The following HPSE variants were observed in gnomAD, a reference collection of about 807,000 sequenced individuals.
HPSE encodes endo-glucoronidase.
In HPSE, 48 loss-of-function variants were observed where a neutral mutation model predicts 65.1. The ratio of observed to expected loss-of-function variants is 0.74; its 90% CI spans 0.58 to 0.94. HPSE has a LOEUF of 0.94. Ranked by LOEUF, HPSE falls within the 40% of genes least tolerant of loss-of-function variation. The pLI is 0.00. For synonymous variants in HPSE, 243 were observed against 260.0 expected (o/e 0.93, Z 0.63); for missense variants, 644 against 637.5 (o/e 1.01, Z -0.11).
chr4:83,303,748 T>C (rs909554367), intron 9 of HPSE, among the ~76,000 whole-genome samples: 1 of 151,996 alleles, frequency 6.6e-6, no homozygotes, highest in Admixed American at 6.6e-5. Context: ...TAGCTGGTCT[T>C]GAACTCCTGG....
chr4:83,316,279 A>C (rs535930246), intron 3 of HPSE, among the ~76,000 whole-genome samples: 4 of 151,698 alleles, frequency 2.6e-5, no homozygotes, highest in African/African-American at 9.7e-5. Context: ...CACCTGCCTC[A>C]GCCTCTCAAA....
chr4:83,306,465 G>A (rs1327529911), intron 8 of HPSE, 148 bp from the exon 9 acceptor site: 12 of 532,878 alleles, frequency 2.3e-5, no homozygotes, highest in Non-Finnish European at 3.6e-5. Context: ...ACCCAGGCTG[G>A]AGTGCAGTGG....
intron 11 of HPSE, among the ~76,000 whole-genome samples, chr4:83,296,329 C>G (rs1009477173): frequency 6.6e-6 from 1 of 152,044 alleles, no homozygotes; most frequent in African/African-American, 2.4e-5. Flanking sequence ...CTCTTTTTCT[C>G]AAATATGTTT....
intron 11 of HPSE, among the ~76,000 whole-genome samples, chr4:83,297,073 GT>G (rs988161412): frequency 6.6e-6 from 1 of 152,116 alleles, no homozygotes; most frequent in Non-Finnish European, 1.5e-5. Flanking sequence ...AGTTTTCTAT[GT>G]TTTAGATATG....
In HPSE at chr4:83,326,339, C is replaced by A. The variant is rs1241432570; in HGVS notation, c.228-3975G>T. Among the ~76,000 whole-genome samples, 1 of 152,098 alleles carries A rather than the reference C, an allele frequency of 6.6e-6. No homozygotes were observed. The highest frequency in any genetic ancestry group is 2.4e-5 in the African/African-American group (1 of 41,410). ...CCTCCCAAAGTGCTGGGATTATAGG[C>A]ATGAGCTATTGTACCTGGCCTAGAT... On this transcript the variant is annotated intron_variant, in intron 1 of 11. Coordinates refer to ENST00000311412, the MANE Select transcript of HPSE (RefSeq NM_001098540.3). The surrounding 1 kb of genome is among the most constrained non-coding windows in gnomAD (Gnocchi z 4.2).
At position 83,334,610 on chromosome 4, in the gene HPSE, G is replaced by C. The variant is rs183947666; in HGVS notation, c.173C>G (p.Ser58Cys). Residue 58 changes from serine (S) to cysteine (C), a missense_variant, in exon 1 of 12, where the codon TCC (serine) becomes TGC (cysteine). Ser to Cys is a moderately radical substitution (Grantham distance 112, BLOSUM62 -1). Coordinates refer to ENST00000311412, the MANE Select transcript of HPSE (RefSeq NM_001098540.3). Reference sequence around the variant, plus strand: ...GGCCAGGTTGGCGTCAATGGTGACGGACAGGAACGAGGGGCTCACCAGGTG... The same window carrying C: ...GGCCAGGTTGGCGTCAATGGTGACGCACAGGAACGAGGGGCTCACCAGGTG... ...PLHLVSPSFL[S>C]VTIDANLATD... The C allele has an allele frequency of 2.5e-6, 4 of 1,593,690 alleles. No homozygotes were observed. Among genetic ancestry groups the C allele is most frequent in the African/African-American group, 2.7e-5 (2 of 74,728 alleles).
intron 1 of HPSE, among the ~76,000 whole-genome samples, chr4:83,331,475 T>C (rs1474932281): frequency 6.6e-6 from 1 of 152,228 alleles, no homozygotes; most frequent in Non-Finnish European, 1.5e-5. Flanking sequence ...TTATATTATA[T>C]TTCCATTGGA....
rs1301492554 is a variant in HPSE at position 83,306,225 on chromosome 4, T to A, written c.1184A>T (p.Asp395Val). 4 of 1,608,584 alleles carry A rather than the reference T, an allele frequency of 2.5e-6. No homozygotes were observed. The highest frequency in any genetic ancestry group is 2.6e-6 in the Non-Finnish European group (3 of 1,175,026). Residue 395 changes from aspartate to valine, a missense_variant, in exon 9 of 12, where the codon GAT becomes GTT. Asp to Val is a radical substitution (Grantham distance 152, BLOSUM62 -3). Transcript: ENST00000311412. ...FFGAGNYHLVDENFDPLPDYW... is the reference protein window; with the variant it reads ...FFGAGNYHLVVENFDPLPDYW... ...TACAGGTAAAGGATCGAAGTTTTCATCCACTAAATGGTAGTTTCCTGCTCC... is the reference window on the plus strand; with the variant it reads ...TACAGGTAAAGGATCGAAGTTTTCAACCACTAAATGGTAGTTTCCTGCTCC...
Position 83,334,705 on chromosome 4 carries a change from A to G in HPSE, c.78T>C (p.Pro26=). The G allele has an allele frequency of 6.4e-7, 1 of 1,567,792 alleles. No homozygotes were observed. Among genetic ancestry groups the G allele is most frequent in the East Asian group, 2.4e-5 (1 of 42,312 alleles). Residue 26 remains proline (P), a synonymous_variant, in exon 1 of 12, where the codon CCT becomes CCC. Transcript: ENST00000311412. ...CTTGCGCAGGTCGGGGCAGGGCGCC[A>G]GGGGAGAGGGGACCCAGCGGCCCCA... is the stretch of plus-strand genomic sequence containing the variant. ...LLLGPLGPLS[P]GALPRPAQAQ...
Position 83,295,309 on chromosome 4 carries a change from G to A in HPSE, c.*35C>T. 6.4e-7 allele frequency: 1 copy of A among 1,553,938 alleles called. No homozygotes were observed. Among genetic ancestry groups the A allele is most frequent in the Non-Finnish European group, 8.7e-7 (1 of 1,144,492 alleles). On this transcript the variant is annotated 3_prime_UTR_variant, in exon 12 of 12. Transcript: ENST00000311412. ...GAGTTGCTTTACTCTTAGTATACTTGAAAAATTCAGTGTCAGGACTAGTAT... is the reference window on the plus strand; with the variant it reads ...GAGTTGCTTTACTCTTAGTATACTTAAAAAATTCAGTGTCAGGACTAGTAT...
chr4:83,311,004 C>A, intron 4 of HPSE, 114 bp from the exon 5 acceptor site: 1 of 883,500 alleles, frequency 1.1e-6, no homozygotes. Context: ...ACTTGTAATT[C>A]AAAGTCAAGA....
intron 3 of HPSE, among the ~76,000 whole-genome samples, chr4:83,318,689 G>A (rs1228928612): frequency 2.2e-5 from 3 of 135,492 alleles, no homozygotes; most frequent in East Asian, 2.1e-4. Context: ...CAGGCTGGGC[G>A]ACAAGAGTGA....
rs79020077 is a variant in HPSE at position 83,298,937 on chromosome 4, G to A, written c.1472+2023C>T. Among the ~76,000 whole-genome samples the A allele has an allele frequency of 2.3e-3, 352 of 152,110 alleles. 8 individuals carry two copies. In the East Asian group the frequency reaches 0.056, roughly 24 times the overall value. On this transcript the variant is annotated intron_variant, in intron 11 of 11. Coordinates refer to ENST00000311412, the MANE Select transcript of HPSE (RefSeq NM_001098540.3). ...GACTGTGCACTCAAAAACTTATCTA[G>A]GATACTATTTTGCAAAATTTTAAAG...
At chr4:83,305,178 G>A (rs1387942045) in intron 9 of HPSE, among the ~76,000 whole-genome samples, 1 of 152,190 alleles carries the variant, frequency 6.6e-6, no homozygotes, top group South Asian at 2.1e-4. Flanking sequence ...CAAAGAGTTC[G>A]TAAGGCAAAG....
At chr4:83,318,978 G>C (rs187131135) in intron 3 of HPSE, among the ~76,000 whole-genome samples, 193 of 152,102 alleles carry the variant, frequency 1.3e-3, no homozygotes, top group African/African-American at 4.4e-3. Context: ...GGAGGGGGAC[G>C]GACCTCAAGG....
chr4:83,328,765 TGGG>T, intron 1 of HPSE, among the ~76,000 whole-genome samples: 1 of 150,846 alleles, frequency 6.6e-6, no homozygotes, highest in South Asian at 2.1e-4. Context: ...GGGAAAGGCT[TGGG>T]GAAAGGCTTG....
At chr4:83,318,602 TAGG>T (rs1404938834) in intron 3 of HPSE, among the ~76,000 whole-genome samples, 2 of 149,898 alleles carry the variant, frequency 1.3e-5, no homozygotes. Flanking sequence ...TCATAATGAA[TAGG>T]AGGCTAAGGC....
At chr4:83,312,364 G>A (rs1334308998) in intron 4 of HPSE, among the ~76,000 whole-genome samples, 7 of 152,202 alleles carry the variant, frequency 4.6e-5, no homozygotes, top group Admixed American at 4.6e-4. Flanking sequence ...TGCCCAGGCA[G>A]AAGTATATTT....
chr4:83,316,055 ATTG>A (rs1346252714), intron 3 of HPSE, among the ~76,000 whole-genome samples: 3 of 151,410 alleles, frequency 2.0e-5, no homozygotes. Context: ...GAGACAGAGT[ATTG>A]TTCTGTCGCC....
Sources: gnomAD v4.1 joint callset for allele counts (sites outside exome capture counted in the v4.1 genomes callset) on GRCh38, gnomAD v4.1.1 for gene constraint, Gnocchi (gnomAD v3.1) non-coding constraint, MANE v1.5 for transcripts, NCBI Gene and HGNC (gene_info 2026-07-23, HGNC 2026-07-21) for gene names.